Variants in SPAG16 observed in about 807,000 individuals in gnomAD.
SPAG16 encodes sperm-associated antigen 16 protein.
A neutral mutation model predicts 80.4 loss-of-function variants in SPAG16; 86 were observed. The ratio of observed to expected loss-of-function variants is 1.07; its 90% CI spans 0.90 to 1.28. SPAG16 has a LOEUF of 1.28. SPAG16 is among the 50% of genes most tolerant of loss of function. The probability of loss-of-function intolerance (pLI) is 0.00; values close to 1 mark genes in which losing one functional copy is unlikely to be tolerated. For synonymous variants in SPAG16, 294 were observed against 265.9 expected, an observed-to-expected ratio of 1.11 and a Z score of -1.03; for missense variants, 870 against 765.3, an observed-to-expected ratio of 1.14 and a Z score of -1.61.
chr2:213,719,960 G>A (rs942355425), intron 10 of SPAG16, among the ~76,000 whole-genome samples: 1 of 152,134 alleles, frequency 6.6e-6, no homozygotes, highest in African/African-American at 2.4e-5. Context: ...GTGATAGACT[G>A]GATAAAGAAA....
intron 7 of SPAG16, among the ~76,000 whole-genome samples, chr2:213,363,627 G>A (rs2066117847): frequency 6.6e-6 from 1 of 152,010 alleles, no homozygotes; most frequent in African/African-American, 2.4e-5. Flanking sequence ...GAATATATGT[G>A]GGTGGAAAAT....
At chr2:213,317,933 G>A (rs1399118542) in intron 5 of SPAG16, 1 of 161,110 alleles carries the variant, frequency 6.2e-6, no homozygotes, top group Non-Finnish European at 1.3e-5. Flanking sequence ...ATTTTGCTAT[G>A]AACTTAAAAC....
intron 10 of SPAG16, among the ~76,000 whole-genome samples, chr2:213,637,752 A>G (rs538465340): frequency 1.3e-5 from 2 of 152,038 alleles, no homozygotes; most frequent in Non-Finnish European, 2.9e-5. Flanking sequence ...GTAGCCTTGA[A>G]TGACCTTTTG....
chr2:213,749,574 T>A (rs2067990080), intron 10 of SPAG16, among the ~76,000 whole-genome samples: 1 of 152,224 alleles, frequency 6.6e-6, no homozygotes. Context: ...AGTATCAGTT[T>A]ATGGTTCTTC....
chr2:214,320,987 T>C (rs1044353940), intron 15 of SPAG16, among the ~76,000 whole-genome samples: 2 of 152,238 alleles, frequency 1.3e-5, no homozygotes. Flanking sequence ...AGTCCATTAA[T>C]GATCTTGTAG....
At chr2:213,558,217 C>G (rs1280614875) in intron 10 of SPAG16, among the ~76,000 whole-genome samples, 1 of 152,046 alleles carries the variant, frequency 6.6e-6, no homozygotes, top group African/African-American at 2.4e-5. Flanking sequence ...CCCCTTTCAT[C>G]TTCCACAGAG....
chr2:214,267,186 G>A (rs1261149285), intron 15 of SPAG16, among the ~76,000 whole-genome samples: 1 of 151,380 alleles, frequency 6.6e-6, no homozygotes, highest in Non-Finnish European at 1.5e-5. Flanking sequence ...AGATTAAAAA[G>A]ATTAAAAAAT....
chr2:213,420,647 T>A (rs1335950060), intron 9 of SPAG16, among the ~76,000 whole-genome samples: 1 of 152,228 alleles, frequency 6.6e-6, no homozygotes, highest in Admixed American at 6.5e-5. Flanking sequence ...TTAACCATGG[T>A]TTATTCTGTG....
intron 15 of SPAG16, among the ~76,000 whole-genome samples, chr2:214,184,497 A>G (rs1367016996): frequency 1.3e-5 from 2 of 152,132 alleles, no homozygotes; most frequent in Non-Finnish European, 2.9e-5. Flanking sequence ...AGCAAAAAAA[A>G]GACATTTCTT....
intron 10 of SPAG16, among the ~76,000 whole-genome samples, chr2:213,725,107 C>A (rs1451014481): frequency 6.6e-6 from 1 of 151,962 alleles, no homozygotes; most frequent in Non-Finnish European, 1.5e-5. Flanking sequence ...TCTTGGCTCA[C>A]TGCAGTCTCA....
chr2:213,647,963 G>C (rs2062881885), intron 10 of SPAG16, among the ~76,000 whole-genome samples: 1 of 152,142 alleles, frequency 6.6e-6, no homozygotes, highest in African/African-American at 2.4e-5. Context: ...GCAAAGTGTA[G>C]CCAGGATGTT....
At position 214,379,508 on chromosome 2, in the gene SPAG16, CCTT is replaced by C. The variant is rs1700328710; in HGVS notation, c.1721-30629_1721-30627del. On this transcript the variant is annotated intron_variant, in intron 15 of 15. Coordinates refer to ENST00000331683, the MANE Select transcript of SPAG16 (RefSeq NM_024532.5). ...TAAAGTTGATCTACAAGAAATGTCT[CCTT>C]CTAATACTCTCCATGTGACTTAAGG... 2.0e-5 allele frequency among the ~76,000 whole-genome samples: 3 copies of C among 152,286 alleles called. No homozygotes were observed. The South Asian group carries it at 6.2e-4, about 32-fold the overall frequency.
chr2:213,905,072 CT>C (rs1385875551), intron 11 of SPAG16, among the ~76,000 whole-genome samples: 1 of 152,118 alleles, frequency 6.6e-6, no homozygotes, highest in Non-Finnish European at 1.5e-5. Context: ...AGATTTAATG[CT>C]TGGAATTTGG....
intron 13 of SPAG16, among the ~76,000 whole-genome samples, chr2:214,082,315 A>G (rs16851420): frequency 0.13 from 19,574 of 151,924 alleles, 1,502 homozygotes; most frequent in East Asian, 0.32. Context: ...CTCCTCATCA[A>G]TCTTCTTTCA....
intron 15 of SPAG16, among the ~76,000 whole-genome samples, chr2:214,316,165 T>C (rs1695681670): frequency 6.6e-6 from 1 of 151,494 alleles, no homozygotes; most frequent in Admixed American, 6.6e-5. Flanking sequence ...TTTTAGATTT[T>C]CTTTGCAATT....
intron 10 of SPAG16, among the ~76,000 whole-genome samples, chr2:213,812,255 A>G (rs2072208108): frequency 6.6e-6 from 1 of 152,206 alleles, no homozygotes; most frequent in Non-Finnish European, 1.5e-5. Flanking sequence ...TAAGTATGGA[A>G]TAACTTAAGA....
intron 13 of SPAG16, among the ~76,000 whole-genome samples, chr2:214,077,912 T>A (rs2051159937): frequency 6.6e-6 from 1 of 152,254 alleles, no homozygotes; most frequent in South Asian, 2.1e-4. Context: ...AATGCAGGAA[T>A]GCCTTATTCC....
chr2:213,608,267 G>A (rs1472746701), intron 10 of SPAG16, among the ~76,000 whole-genome samples: 2 of 152,098 alleles, frequency 1.3e-5, no homozygotes, highest in Non-Finnish European at 2.9e-5. Flanking sequence ...TTGGTGTGCT[G>A]CACCCATTAA....
chr2:214,151,943 C>A (rs1452171892), intron 15 of SPAG16, among the ~76,000 whole-genome samples: 1 of 152,066 alleles, frequency 6.6e-6, no homozygotes, highest in Non-Finnish European at 1.5e-5. Context: ...ATAAAAGTTG[C>A]TAATAATATT....
Sources: allele counts gnomAD v4.1 joint callset (sites outside exome capture counted in the v4.1 genomes callset), GRCh38; gene constraint gnomAD v4.1.1; transcripts MANE v1.5; gene names NCBI Gene and HGNC (gene_info 2026-07-23, HGNC 2026-07-21).